KIAA0319: variants seen among roughly 807,000 people sequenced by gnomAD.
The protein encoded by KIAA0319 is KIAA0319.
In KIAA0319, 83 loss-of-function variants were observed where a neutral mutation model predicts 108.4. The ratio of observed to expected loss-of-function variants is 0.77; its 90% CI spans 0.64 to 0.92. The LOEUF (loss-of-function observed/expected upper bound fraction) is 0.92, where lower values mean the gene tolerates loss of function less well. Ranked by LOEUF, KIAA0319 falls within the 40% of genes least tolerant of loss-of-function variation. KIAA0319 has a pLI of 0.00. For synonymous variants in KIAA0319, 484 were observed against 510.4 expected (o/e 0.95, Z 0.70); for missense variants, 1,195 against 1,322.4 (o/e 0.90, Z 1.49).
chr6:24,561,391 C>T (rs1032910557), intron 16 of KIAA0319, among the ~76,000 whole-genome samples: 2 of 152,172 alleles, frequency 1.3e-5, no homozygotes, highest in African/African-American at 4.8e-5. Context: ...TTTAACATTA[C>T]TAATTCAATC....
At chr6:24,587,743 C>G (rs139255433) in intron 4 of KIAA0319, among the ~76,000 whole-genome samples, 203 of 152,086 alleles carry the variant, frequency 1.3e-3, no homozygotes, top group South Asian at 7.7e-3. Context: ...TGTGCCACCA[C>G]GCCCAGCTAA....
intron 1 of KIAA0319, among the ~76,000 whole-genome samples, chr6:24,615,195 A>C (rs1200199744): frequency 6.6e-6 from 1 of 152,200 alleles, no homozygotes. Flanking sequence ...TGTACATTAT[A>C]GCATTATGAA....
intron 8 of KIAA0319, among the ~76,000 whole-genome samples, chr6:24,578,881 A>G (rs1260749167): frequency 3.3e-5 from 5 of 152,228 alleles, no homozygotes; most frequent in African/African-American, 1.2e-4. Flanking sequence ...AGCCATACTG[A>G]ATTAGAGGAA....
chr6:24,591,925 A>G (rs1768545932), intron 3 of KIAA0319, among the ~76,000 whole-genome samples: 1 of 152,194 alleles, frequency 6.6e-6, no homozygotes, highest in Non-Finnish European at 1.5e-5. Context: ...AGTTATTTAT[A>G]TATTCAGTAT....
chr6:24,563,584 G>A (rs925645817), intron 15 of KIAA0319, 66 bp from the exon 16 acceptor site: 45 of 1,471,248 alleles, frequency 3.1e-5, no homozygotes, highest in East Asian at 4.6e-5. Context: ...CATAAGGAGC[G>A]AGGTTTCTAT....
At chr6:24,592,424 C>T (rs1323893320) in intron 3 of KIAA0319, among the ~76,000 whole-genome samples, 2 of 152,022 alleles carry the variant, frequency 1.3e-5, no homozygotes, top group African/African-American at 2.4e-5. Context: ...GAAATAGTTT[C>T]TTTTCTTTCT....
In KIAA0319 at chr6:24,570,402, C is replaced by T. The variant is rs577209825; in HGVS notation, c.1859-367G>A. Among the ~76,000 whole-genome samples the T allele has an allele frequency of 2.0e-3, 300 of 152,210 alleles. 1 individual carries two copies. The highest frequency in any genetic ancestry group is 3.6e-3 in the Non-Finnish European group (245 of 68,006). On this transcript the variant is annotated intron_variant, in intron 11 of 20. Transcript: ENST00000378214. ...AGGAGATCAAGACCATCCTGGCTAA[C>T]ACGGTGAAACCCCGTCTCTACTAAA...
intron 4 of KIAA0319, among the ~76,000 whole-genome samples, chr6:24,586,731 T>G (rs987957061): frequency 1.4e-5 from 2 of 146,274 alleles, no homozygotes; most frequent in African/African-American, 4.9e-5. Flanking sequence ...TATAAACTTG[T>G]TTTTTTTTTC....
intron 3 of KIAA0319, among the ~76,000 whole-genome samples, chr6:24,595,567 A>AAAC (rs1769407418): frequency 3.3e-5 from 5 of 151,088 alleles, no homozygotes; most frequent in African/African-American, 9.8e-5. Flanking sequence ...AAAAAAAAAA[A>AAAC]AAACGCTACA....
At chr6:24,595,769 G>T in intron 3 of KIAA0319, 104 bp downstream of exon 3, 1 of 1,297,020 alleles carries the variant, frequency 7.7e-7, no homozygotes, top group Non-Finnish European at 1.1e-6. Context: ...ACCTCCTTAA[G>T]CTCATACAGC....
At chr6:24,641,465 C>A (rs780032419) in intron 1 of KIAA0319, among the ~76,000 whole-genome samples, 6 of 152,152 alleles carry the variant, frequency 3.9e-5, no homozygotes, top group Non-Finnish European at 8.8e-5. Flanking sequence ...TGGAAGAAGT[C>A]TAGTAAAATG....
At chr6:24,600,912 T>A in intron 2 of KIAA0319, 137 bp downstream of exon 2, 1 of 1,177,204 alleles carries the variant, frequency 8.5e-7, no homozygotes, top group South Asian at 1.3e-5. Context: ...GAGGTCTGCC[T>A]TTCATGCTTT....
chr6:24,552,126 A>C (rs545369908), intron 19 of KIAA0319, among the ~76,000 whole-genome samples: 2 of 152,290 alleles, frequency 1.3e-5, no homozygotes, highest in Non-Finnish European at 2.9e-5. Context: ...CGCAGAGAAC[A>C]AAATAGTAAT....
At chr6:24,597,518 G>A (rs1488477641) in intron 2 of KIAA0319, among the ~76,000 whole-genome samples, 4 of 152,170 alleles carry the variant, frequency 2.6e-5, no homozygotes, top group Non-Finnish European at 5.9e-5. Context: ...GCTAAATAAA[G>A]AAGTTTGAGA....
In KIAA0319 at chr6:24,576,530, AGCATTGTTCACTATTAG is replaced by A. The variant is rs1364524830; in HGVS notation, c.1555_1571del (p.Leu519CysfsTer8). The A allele has an allele frequency of 6.2e-7, 1 of 1,614,178 alleles. No individual in the cohort carries two copies. The highest frequency in any genetic ancestry group is 8.5e-7 in the Non-Finnish European group (1 of 1,180,024). On this transcript the variant is annotated frameshift_variant, in exon 10 of 21. Transcript: ENST00000378214. LOFTEE classifies it high-confidence loss of function. ...CATTAGCAACTGGTGGGTAGTCCACAGCATTGTTCACTATTAGGGCTGCAGTTGTAGAGTTAGTGGCT... is the reference window on the plus strand; with the variant it reads ...CATTAGCAACTGGTGGGTAGTCCACAGGCTGCAGTTGTAGAGTTAGTGGCT...
rs1561952625 is a variant in KIAA0319, at chr6:24,568,761, T to C, written c.2140+20A>G. On this transcript the variant is annotated intron_variant, in intron 13 of 20. Transcript: ENST00000378214. Reference sequence around the variant, plus strand: ...CGAAAGCAGAGCAGGCCCAGCCCTGTCCACCTCAGACCCACTCACCCTTCT... The same window carrying C: ...CGAAAGCAGAGCAGGCCCAGCCCTGCCCACCTCAGACCCACTCACCCTTCT... 7.4e-6 allele frequency: 12 copies of C among 1,611,630 alleles called. No homozygotes were observed. The highest frequency in any genetic ancestry group is 1.0e-5 in the Non-Finnish European group (12 of 1,178,584).
intron 10 of KIAA0319, among the ~76,000 whole-genome samples, chr6:24,573,530 G>C (rs761091671): frequency 1.3e-5 from 2 of 152,122 alleles, no homozygotes; most frequent in Non-Finnish European, 2.9e-5. Context: ...GCATTCAAAA[G>C]CAAACAGTAA....
At chr6:24,597,596 A>G (rs1224271534) in intron 2 of KIAA0319, among the ~76,000 whole-genome samples, 2 of 152,204 alleles carry the variant, frequency 1.3e-5, no homozygotes, top group Admixed American at 6.5e-5. Context: ...TTCAGAATCT[A>G]TTAGAGACAC....
chr6:24,589,119 T>A (rs951829047), intron 3 of KIAA0319, among the ~76,000 whole-genome samples: 1 of 152,124 alleles, frequency 6.6e-6, no homozygotes, highest in African/African-American at 2.4e-5. Flanking sequence ...CCCCAAAAAA[T>A]TCATTTGTTG....
Sources: gnomAD v4.1 joint callset for allele counts (sites outside exome capture counted in the v4.1 genomes callset) on GRCh38, gnomAD v4.1.1 for gene constraint, MANE v1.5 for transcripts, NCBI Gene and HGNC (gene_info 2026-07-23, HGNC 2026-07-21) for gene names.